Variants in SPMIP4 observed in about 807,000 individuals in gnomAD.
SPMIP4 encodes sperm microtubule inner protein 4.
chr7:25,127,298 C>A, the SPMIP4 span, among the ~76,000 whole-genome samples: 1 of 152,122 alleles, frequency 6.6e-6, no homozygotes. Context: ...CTCTCTAGCT[C>A]CTCTTTATGG....
At chr7:25,173,981 G>T in the SPMIP4 span, among the ~76,000 whole-genome samples, 5 of 152,092 alleles carry the variant, frequency 3.3e-5, no homozygotes, top group African/African-American at 1.2e-4. This position sits in a 1 kb window ranked among gnomAD's most constrained non-coding sequence, Gnocchi z 4.4. Context: ...TTGTAGAGAA[G>T]GAACCAAATT....
At chr7:25,155,017 T>A in the SPMIP4 span, 1,134 of 1,612,752 alleles carry the variant, frequency 7.0e-4, 5 homozygotes, top group African/African-American at 0.013. Context: ...TTACCTCTTG[T>A]CTTCAAAACT....
At chr7:25,142,926 G>GT in the SPMIP4 span, 1 of 746,594 alleles carries the variant, frequency 1.3e-6, no homozygotes. Flanking sequence ...ACGTCAGAAT[G>GT]GTTTTTTTTT....
At chr7:25,157,344 G>A in the SPMIP4 span, among the ~76,000 whole-genome samples, 2 of 152,196 alleles carry the variant, frequency 1.3e-5, no homozygotes, top group African/African-American at 2.4e-5. Context: ...AAATCCAGAT[G>A]CCTTAAGTGT....
the SPMIP4 span, among the ~76,000 whole-genome samples, chr7:25,178,160 A>G: frequency 7.2e-5 from 11 of 152,162 alleles, no homozygotes; most frequent in Non-Finnish European, 1.5e-4. Context: ...ATGGCTGCAT[A>G]GTATTCCATG....
chr7:25,138,236 G>T, the SPMIP4 span, among the ~76,000 whole-genome samples: 1 of 152,006 alleles, frequency 6.6e-6, no homozygotes, highest in Non-Finnish European at 1.5e-5. This position sits in a 1 kb window ranked among gnomAD's most constrained non-coding sequence, Gnocchi z 6.2. Flanking sequence ...CTATTCCAGG[G>T]ATCAGAAAAC....
the SPMIP4 span, among the ~76,000 whole-genome samples, chr7:25,127,792 T>C: frequency 6.6e-6 from 1 of 152,264 alleles, no homozygotes; most frequent in African/African-American, 2.4e-5. Context: ...GTATTTATTA[T>C]TGTCTTCACA....
the SPMIP4 span, among the ~76,000 whole-genome samples, chr7:25,177,032 T>G: frequency 6.6e-6 from 1 of 152,238 alleles, no homozygotes; most frequent in African/African-American, 2.4e-5. Context: ...GAATGACTAT[T>G]CTGCATAGCT....
the SPMIP4 span, among the ~76,000 whole-genome samples, chr7:25,173,217 C>T: frequency 6.6e-6 from 1 of 152,108 alleles, no homozygotes; most frequent in Non-Finnish European, 1.5e-5. This position sits in a 1 kb window ranked among gnomAD's most constrained non-coding sequence, Gnocchi z 4.4. Flanking sequence ...CATAACCCCT[C>T]CTCCCCCACC....
At chr7:25,166,274 C>G in the SPMIP4 span, among the ~76,000 whole-genome samples, 4 of 112,828 alleles carry the variant, frequency 3.5e-5, no homozygotes, top group African/African-American at 1.3e-4. Flanking sequence ...GTTGCCCAGG[C>G]TGGAGAGCAA....
chr7:25,158,633 C>A, the SPMIP4 span: 3 of 903,570 alleles, frequency 3.3e-6, no homozygotes, highest in South Asian at 1.5e-5. Flanking sequence ...GGCATGGTGG[C>A]TCATGCCTGT....
At chr7:25,126,717 T>C in the SPMIP4 span, among the ~76,000 whole-genome samples, 12 of 152,220 alleles carry the variant, frequency 7.9e-5, no homozygotes, top group African/African-American at 2.9e-4. Flanking sequence ...TATGAACAGT[T>C]TACACACAAT....
chr7:25,131,121 T>C, the SPMIP4 span, among the ~76,000 whole-genome samples: 23 of 152,218 alleles, frequency 1.5e-4, no homozygotes, highest in Non-Finnish European at 1.5e-5. This position sits in a 1 kb window ranked among gnomAD's most constrained non-coding sequence, Gnocchi z 4.2. Flanking sequence ...TGGCATTAGA[T>C]TCTCATAGGA....
chr7:25,170,489 C>A, the SPMIP4 span, among the ~76,000 whole-genome samples: 1 of 152,226 alleles, frequency 6.6e-6, no homozygotes, highest in Admixed American at 6.5e-5. Context: ...TTACTTTTTA[C>A]TTACTTGATA....
At chr7:25,148,391 T>C in the SPMIP4 span, among the ~76,000 whole-genome samples, 6 of 152,058 alleles carry the variant, frequency 3.9e-5, no homozygotes, top group Non-Finnish European at 7.4e-5. Flanking sequence ...TGTGCCATGA[T>C]TGCACCTGTG....
chr7:25,164,801 C>T, the SPMIP4 span, among the ~76,000 whole-genome samples: 8 of 152,154 alleles, frequency 5.3e-5, no homozygotes, highest in Non-Finnish European at 8.8e-5. Context: ...CCCTGAGTCC[C>T]CAGAGTCCAT....
At chr7:25,149,650 G>A in the SPMIP4 span, among the ~76,000 whole-genome samples, 12 of 152,188 alleles carry the variant, frequency 7.9e-5, no homozygotes, top group Admixed American at 2.0e-4. Context: ...TTTAATTGAT[G>A]AAATATGAAA....
At chr7:25,157,379 ACTT>A in the SPMIP4 span, among the ~76,000 whole-genome samples, 94 of 152,290 alleles carry the variant, frequency 6.2e-4, no homozygotes, top group African/African-American at 2.2e-3. Flanking sequence ...CACACAGAGA[ACTT>A]CTTCTAGAGT....
At chr7:25,153,068 A>G in the SPMIP4 span, among the ~76,000 whole-genome samples, 13 of 152,164 alleles carry the variant, frequency 8.5e-5, no homozygotes, top group Admixed American at 2.6e-4. Flanking sequence ...CTAATAAAGA[A>G]GAATTAAAAT....
Sources: allele counts gnomAD v4.1 joint callset (sites outside exome capture counted in the v4.1 genomes callset), GRCh38; gene constraint gnomAD v4.1.1; non-coding constraint Gnocchi (gnomAD v3.1); transcripts MANE v1.5; gene names NCBI Gene and HGNC (gene_info 2026-07-23, HGNC 2026-07-21).